SMYD3: variants seen among roughly 807,000 people sequenced by gnomAD.
SMYD3 encodes the protein histone-lysine N-methyltransferase SMYD3.
SMYD3 carries 36 observed loss-of-function variants against 57.7 expected under a neutral mutation model. The observed-to-expected ratio is 0.62, with a 90% CI of 0.48 to 0.82. SMYD3 has a LOEUF of 0.82. SMYD3 is among the 40% of genes least tolerant of loss of function. SMYD3 has a pLI of 0.00. For synonymous variants in SMYD3, 211 were observed against 195.0 expected, an observed-to-expected ratio of 1.08 and a Z score of -0.68; for missense variants, 515 against 538.8, an observed-to-expected ratio of 0.96 and a Z score of 0.44.
chr1:245,921,547 G>GTACATATA (rs1491323831), intron 7 of SMYD3, among the ~76,000 whole-genome samples: 3 of 35,086 alleles, frequency 8.6e-5, no homozygotes, highest in Admixed American at 3.9e-4. Flanking sequence ...AAAAAATGTG[G>GTACATATA]TGTATATATA....
chr1:246,352,275 G>A (rs775814371), intron 2 of SMYD3, among the ~76,000 whole-genome samples: 6 of 151,944 alleles, frequency 3.9e-5, no homozygotes, highest in Admixed American at 6.6e-5. Flanking sequence ...TGATGCCATG[G>A]TCCCACACAT....
chr1:246,442,064 C>A (rs1368479191), intron 1 of SMYD3, among the ~76,000 whole-genome samples: 1 of 152,176 alleles, frequency 6.6e-6, no homozygotes, highest in Non-Finnish European at 1.5e-5. Context: ...AGCTGAGGAA[C>A]CCAATTTATT....
chr1:245,794,465 T>G (rs1351411049), intron 10 of SMYD3, among the ~76,000 whole-genome samples: 1 of 152,264 alleles, frequency 6.6e-6, no homozygotes, highest in Non-Finnish European at 1.5e-5. Flanking sequence ...TAAGATTCTC[T>G]GCCAGCGATG....
intron 10 of SMYD3, among the ~76,000 whole-genome samples, chr1:245,818,241 T>C (rs1212440659): frequency 6.6e-6 from 1 of 152,170 alleles, no homozygotes; most frequent in Non-Finnish European, 1.5e-5. Context: ...GGGAGCAATA[T>C]TCAACATTCT....
At chr1:246,269,325 G>A (rs1359118229) in intron 5 of SMYD3, among the ~76,000 whole-genome samples, 3 of 152,106 alleles carry the variant, frequency 2.0e-5, no homozygotes, top group Non-Finnish European at 2.9e-5. Context: ...CACTTTATAA[G>A]AATGAATATA....
At chr1:246,406,026 A>C (rs1478439888) in intron 1 of SMYD3, among the ~76,000 whole-genome samples, 1 of 152,036 alleles carries the variant, frequency 6.6e-6, no homozygotes, top group South Asian at 2.1e-4. Flanking sequence ...ATTCTCCTGT[A>C]GGTTAAATCG....
chr1:246,244,244 T>G (rs937323558), intron 5 of SMYD3, among the ~76,000 whole-genome samples: 1 of 152,148 alleles, frequency 6.6e-6, no homozygotes, highest in Non-Finnish European at 1.5e-5. Context: ...GACACTTAAA[T>G]GTAAATTCAT....
At chr1:246,295,269 A>C (rs1385369725) in intron 5 of SMYD3, among the ~76,000 whole-genome samples, 1 of 152,190 alleles carries the variant, frequency 6.6e-6, no homozygotes, top group Non-Finnish European at 1.5e-5. Context: ...TATCTCTTAC[A>C]GATCCCACTG....
chr1:245,945,093 A>T (rs184721281), intron 5 of SMYD3, among the ~76,000 whole-genome samples: 264 of 152,262 alleles, frequency 1.7e-3, no homozygotes, highest in African/African-American at 6.0e-3. Context: ...GATTTCATGA[A>T]GAAAACATCA....
chr1:246,280,427 C>G (rs1294728617), intron 5 of SMYD3, among the ~76,000 whole-genome samples: 1 of 152,160 alleles, frequency 6.6e-6, no homozygotes, highest in East Asian at 1.9e-4. Flanking sequence ...GAGAGCTAAA[C>G]TATCCACATT....
At chr1:245,936,417 G>A (rs376585223) in intron 5 of SMYD3, among the ~76,000 whole-genome samples, 129 of 151,178 alleles carry the variant, frequency 8.5e-4, no homozygotes, top group African/African-American at 2.9e-3. Context: ...TGTGTGATTT[G>A]GAATGTGCTT....
chr1:245,907,819 C>A (rs945190807), intron 8 of SMYD3, among the ~76,000 whole-genome samples: 7 of 152,192 alleles, frequency 4.6e-5, no homozygotes, highest in Non-Finnish European at 8.8e-5. Flanking sequence ...CAAAAAAAAT[C>A]ACTTCAATTG....
intron 5 of SMYD3, among the ~76,000 whole-genome samples, chr1:246,125,076 A>AC (rs755500814): frequency 0.17 from 17,920 of 104,636 alleles, 1,390 homozygotes; most frequent in Admixed American, 0.33. Flanking sequence ...CGTCTCAAAA[A>AC]AAAAAAAAAA....
At chr1:246,172,729 C>T (rs1346070808) in intron 5 of SMYD3, among the ~76,000 whole-genome samples, 1 of 141,464 alleles carries the variant, frequency 7.1e-6, no homozygotes, top group Non-Finnish European at 1.5e-5. Context: ...AGACTATCCA[C>T]ACTGTACGCT....
chr1:246,219,153 C>G (rs191431983), intron 5 of SMYD3, among the ~76,000 whole-genome samples: 10 of 152,156 alleles, frequency 6.6e-5, no homozygotes, highest in Non-Finnish European at 1.5e-4. Flanking sequence ...CTTCAAGCCT[C>G]AAACCATGGC....
intron 8 of SMYD3, among the ~76,000 whole-genome samples, chr1:245,905,663 A>T (rs2054513029): frequency 6.6e-6 from 1 of 152,246 alleles, no homozygotes; most frequent in African/African-American, 2.4e-5. Flanking sequence ...GGAAGGGCAT[A>T]GGCCTTGCTG....
intron 5 of SMYD3, among the ~76,000 whole-genome samples, chr1:246,065,058 C>T (rs1205745802): frequency 6.6e-6 from 1 of 152,170 alleles, no homozygotes; most frequent in Non-Finnish European, 1.5e-5. Flanking sequence ...TGGACTAAAG[C>T]AGGATATAAA....
intron 5 of SMYD3, among the ~76,000 whole-genome samples, chr1:246,153,405 T>TAGGGAAGG (rs1207002843): frequency 1.7e-5 from 2 of 114,682 alleles, no homozygotes; most frequent in Non-Finnish European, 3.3e-5. Context: ...CTGCTGGAGA[T>TAGGGAAGG]AGGGAAGGAG....
intron 5 of SMYD3, among the ~76,000 whole-genome samples, chr1:246,225,952 T>C (rs2063324476): frequency 6.6e-6 from 1 of 152,230 alleles, no homozygotes; most frequent in African/African-American, 2.4e-5. Context: ...GGAAACTTCA[T>C]TATGAATCCA....
Sources: gnomAD v4.1 joint callset for allele counts (sites outside exome capture counted in the v4.1 genomes callset) on GRCh38, gnomAD v4.1.1 for gene constraint, MANE v1.5 for transcripts, NCBI Gene and HGNC (gene_info 2026-07-23, HGNC 2026-07-21) for gene names.